The following DLG2 variants were observed in gnomAD, a reference collection of about 807,000 sequenced individuals.
The protein encoded by DLG2 is discs large MAGUK scaffold protein 2.
Under a neutral mutation model 132.5 loss-of-function variants are expected in DLG2, and 45 were observed. The ratio of observed to expected loss-of-function variants is 0.34; its 90% CI spans 0.27 to 0.44. DLG2 has a LOEUF of 0.44. Among genes scored for constraint, DLG2 ranks in the 20% least tolerant of loss-of-function variants. DLG2 has a pLI of 1.00. For synonymous variants in DLG2, 424 were observed against 419.6 expected, an observed-to-expected ratio of 1.01 and a Z score of -0.13; for missense variants, 1,045 against 1,196.9, an observed-to-expected ratio of 0.87 and a Z score of 1.87.
At chr11:84,632,081 A>AC (rs1359854895) in intron 6 of DLG2, among the ~76,000 whole-genome samples, 1 of 152,134 alleles carries the variant, frequency 6.6e-6, no homozygotes, top group Non-Finnish European at 1.5e-5. Context: ...TTTATACTAA[A>AC]CAGTTTTGCC....
chr11:84,372,455 C>T (rs2098710321), intron 7 of DLG2, among the ~76,000 whole-genome samples: 1 of 152,104 alleles, frequency 6.6e-6, no homozygotes, highest in Non-Finnish European at 1.5e-5. Flanking sequence ...TGTAAATTAG[C>T]TTTCAGTGTC....
chr11:84,520,614 A>G (rs1310191726), intron 7 of DLG2, among the ~76,000 whole-genome samples: 1 of 152,026 alleles, frequency 6.6e-6, no homozygotes, highest in Non-Finnish European at 1.5e-5. Flanking sequence ...CTCACTGCCC[A>G]GCTCCTTTTT....
At chr11:83,475,544 G>A (rs908203106) in intron 22 of DLG2, among the ~76,000 whole-genome samples, 5 of 141,090 alleles carry the variant, frequency 3.5e-5, no homozygotes, top group African/African-American at 1.3e-4. Context: ...GAAACAGTGA[G>A]AGAAGCAGAA....
chr11:85,422,347 T>C (rs1193913976), intron 3 of DLG2, among the ~76,000 whole-genome samples: 1 of 152,188 alleles, frequency 6.6e-6, no homozygotes, highest in Non-Finnish European at 1.5e-5. Context: ...TTGTTTAACA[T>C]AATCCCAGAT....
intron 11 of DLG2, among the ~76,000 whole-genome samples, chr11:84,008,205 A>G (rs2094675953): frequency 6.6e-6 from 1 of 151,834 alleles, no homozygotes; most frequent in Non-Finnish European, 1.5e-5. Flanking sequence ...AAATGAGACA[A>G]ATTACAGATC....
At chr11:84,692,719 T>C (rs902219508) in intron 6 of DLG2, among the ~76,000 whole-genome samples, 4 of 151,758 alleles carry the variant, frequency 2.6e-5, no homozygotes, top group Admixed American at 2.6e-4. Context: ...ACAATCATTA[T>C]GATTCTTAAC....
rs559957044 is a variant in DLG2, at chr11:84,059,603, T to C, written c.750-119A>G. The C allele has an allele frequency of 6.1e-6, 5 of 822,498 alleles. No homozygotes were observed. The South Asian group carries it at 1.3e-4, about 21-fold the overall frequency. The allele number at this position is 822,498 out of a possible 1,614,324, so 50.9% of individuals were successfully genotyped here. ...GTAAAGAATCTAAAAAATTTTAAAATATTTAAATTTGGAAGGATGCTTCAA... is the reference window on the plus strand; with the variant it reads ...GTAAAGAATCTAAAAAATTTTAAAACATTTAAATTTGGAAGGATGCTTCAA... On this transcript the variant is annotated intron_variant, in intron 10 of 27. Coordinates refer to ENST00000376104, the MANE Select transcript of DLG2 (RefSeq NM_001142699.3).
chr11:84,844,233 T>C (rs1226517409), intron 6 of DLG2, among the ~76,000 whole-genome samples: 3 of 149,136 alleles, frequency 2.0e-5, no homozygotes, highest in African/African-American at 7.4e-5. Flanking sequence ...CCAAAATGTA[T>C]TTAATGTGCT....
intron 11 of DLG2, among the ~76,000 whole-genome samples, chr11:83,998,139 A>G (rs914686922): frequency 6.6e-6 from 1 of 152,142 alleles, no homozygotes; most frequent in Non-Finnish European, 1.5e-5. Flanking sequence ...CCATCTCAAA[A>G]AAAAGAAAAA....
At chr11:84,975,306 G>T (rs990379833) in intron 6 of DLG2, among the ~76,000 whole-genome samples, 6 of 152,304 alleles carry the variant, frequency 3.9e-5, no homozygotes, top group Non-Finnish European at 8.8e-5. Flanking sequence ...CATAGGTGGG[G>T]TGATGATGCT....
At chr11:83,896,905 C>T (rs2071879213) in intron 15 of DLG2, among the ~76,000 whole-genome samples, 1 of 152,004 alleles carries the variant, frequency 6.6e-6, no homozygotes, top group Non-Finnish European at 1.5e-5. Context: ...CTTGAAACTA[C>T]AGTACAAGAT....
intron 19 of DLG2, among the ~76,000 whole-genome samples, chr11:83,597,900 T>C (rs962491155): frequency 1.3e-5 from 2 of 152,386 alleles, no homozygotes; most frequent in Admixed American, 1.3e-4. Flanking sequence ...ACTGACATTC[T>C]TATGCCTATC....
intron 7 of DLG2, among the ~76,000 whole-genome samples, chr11:84,355,485 G>A (rs2098605876): frequency 6.6e-6 from 1 of 152,056 alleles, no homozygotes; most frequent in Non-Finnish European, 1.5e-5. Context: ...GACACAGCAA[G>A]AAGGTGCTCA....
intron 4 of DLG2, among the ~76,000 whole-genome samples, chr11:85,159,210 G>C (rs1219909485): frequency 6.6e-6 from 1 of 152,096 alleles, no homozygotes; most frequent in Non-Finnish European, 1.5e-5. Context: ...GTTAAAGTAG[G>C]GGCTTATAGA....
At chr11:85,169,647 A>C (rs763727851) in intron 4 of DLG2, among the ~76,000 whole-genome samples, 26 of 152,274 alleles carry the variant, frequency 1.7e-4, no homozygotes, top group Middle Eastern at 3.4e-3. Context: ...AGAACAGACA[A>C]TAGTTTGTGA....
chr11:85,418,115 C>T (rs918743824), intron 3 of DLG2, among the ~76,000 whole-genome samples: 32 of 152,220 alleles, frequency 2.1e-4, no homozygotes, highest in African/African-American at 1.2e-4. Context: ...TTACCTGTGT[C>T]CCAGAGATTC....
At position 84,902,921 on chromosome 11, in the gene DLG2, T is replaced by C. The variant is rs1471994819; in HGVS notation, c.357+208740A>G. ...TAGCTCACAGTTATTGTCTTACTTT[T>C]ACTCCCCTAAATCTTTCTTCATTAG... On this transcript the variant is annotated intron_variant, in intron 6 of 27. Coordinates refer to ENST00000376104, the MANE Select transcript of DLG2 (RefSeq NM_001142699.3). Among the ~76,000 whole-genome samples the C allele has an allele frequency of 2.0e-5, 3 of 152,004 alleles. No homozygotes were observed. The East Asian group carries it at 5.8e-4, about 29-fold the overall frequency.
At chr11:85,152,210 T>C (rs946138378) in intron 5 of DLG2, among the ~76,000 whole-genome samples, 8 of 152,044 alleles carry the variant, frequency 5.3e-5, no homozygotes, top group African/African-American at 1.7e-4. Context: ...AAATGTATTA[T>C]AATAGAAAGA....
At chr11:83,997,474 C>T (rs1439608884) in intron 11 of DLG2, among the ~76,000 whole-genome samples, 3 of 152,144 alleles carry the variant, frequency 2.0e-5, no homozygotes, top group East Asian at 3.9e-4. Context: ...GTGGCTCACA[C>T]CTGTAATCCC....
Sources: gnomAD v4.1 joint callset for allele counts (sites outside exome capture counted in the v4.1 genomes callset) on GRCh38, gnomAD v4.1.1 for gene constraint, MANE v1.5 for transcripts, NCBI Gene and HGNC (gene_info 2026-07-23, HGNC 2026-07-21) for gene names.